UBE2H: variants seen among roughly 807,000 people sequenced by gnomAD.
UBE2H encodes the protein ubiquitin conjugating enzyme E2 H, also known as ubiquitin-conjugating enzyme E2 H.
UBE2H carries 3 observed loss-of-function variants against 29.0 expected under a neutral mutation model. That is an observed-to-expected ratio of 0.10 (90% confidence interval 0.05 to 0.27). The LOEUF (loss-of-function observed/expected upper bound fraction) is 0.27, where lower values mean the gene tolerates loss of function less well. Among genes scored for constraint, UBE2H ranks in the 10% least tolerant of loss-of-function variants. The pLI, the probability that UBE2H is intolerant of heterozygous loss-of-function variation, is 1.00. For missense variants in UBE2H, 68 were observed against 228.2 expected (o/e 0.30, Z 4.52); for synonymous variants, 69 against 82.9 (o/e 0.83, Z 0.91).
chr7:129,900,791 C>T (rs1183361571), intron 1 of UBE2H, among the ~76,000 whole-genome samples: 2 of 149,376 alleles, frequency 1.3e-5, no homozygotes. Flanking sequence ...CACTCTGTCA[C>T]CCAGGCTGGA....
rs115314007 is a variant in UBE2H at position 129,930,192 on chromosome 7, G to A, written c.53+22311C>T. Among the ~76,000 whole-genome samples the A allele has an allele frequency of 4.8e-3, 722 of 151,954 alleles. 10 individuals carry two copies. The highest frequency in any genetic ancestry group is 0.017 in the African/African-American group (702 of 41,454). ...GTATTTTTTTTTGCGATGGGGTTTCGCTCTTGTTGCCCACGCTGCAGTGTA... is the reference window on the plus strand; with the variant it reads ...GTATTTTTTTTTGCGATGGGGTTTCACTCTTGTTGCCCACGCTGCAGTGTA... On this transcript the variant is annotated intron_variant, in intron 1 of 6. Coordinates refer to ENST00000355621, the MANE Select transcript of UBE2H (RefSeq NM_003344.4).
At chr7:129,934,504 C>T (rs921246674) in intron 1 of UBE2H, among the ~76,000 whole-genome samples, 1 of 144,912 alleles carries the variant, frequency 6.9e-6, no homozygotes, top group African/African-American at 2.6e-5. Flanking sequence ...CGGGCATGGT[C>T]GTGGGCACCT....
At chr7:129,888,480 C>T (rs746663009) in intron 1 of UBE2H, among the ~76,000 whole-genome samples, 3,252 of 145,272 alleles carry the variant, frequency 0.022, 45 homozygotes, top group Admixed American at 0.039. Context: ...TAGCAAGACC[C>T]TTTTTTTTTT....
At chr7:129,908,040 C>G (rs1806855463) in intron 1 of UBE2H, among the ~76,000 whole-genome samples, 1 of 152,126 alleles carries the variant, frequency 6.6e-6, no homozygotes. Context: ...TTATCCCCCT[C>G]CCCAGGGTGG....
At chr7:129,921,262 A>G (rs2116470925) in intron 1 of UBE2H, among the ~76,000 whole-genome samples, 1 of 152,270 alleles carries the variant, frequency 6.6e-6, no homozygotes, top group Non-Finnish European at 1.5e-5. Context: ...AAATGGACTC[A>G]TCTATTTAGA....
At chr7:129,918,545 T>C (rs186588399) in intron 1 of UBE2H, among the ~76,000 whole-genome samples, 10 of 152,262 alleles carry the variant, frequency 6.6e-5, no homozygotes, top group Admixed American at 6.5e-4. Flanking sequence ...TTTATTAAAA[T>C]AGAGACAGGG....
chr7:129,942,865 G>A (rs1400918428), intron 1 of UBE2H, among the ~76,000 whole-genome samples: 1 of 149,552 alleles, frequency 6.7e-6, no homozygotes, highest in African/African-American at 2.5e-5. Context: ...TTTTTGAGAT[G>A]GAGTCTTGCT....
intron 1 of UBE2H, among the ~76,000 whole-genome samples, chr7:129,886,624 C>T (rs536714683): frequency 2.0e-5 from 3 of 152,118 alleles, no homozygotes; most frequent in East Asian, 1.9e-4. Flanking sequence ...GCATAAAGAA[C>T]GCGCTTCTGT....
chr7:129,929,417 A>G (rs574990639), intron 1 of UBE2H, among the ~76,000 whole-genome samples: 1 of 152,134 alleles, frequency 6.6e-6, no homozygotes, highest in African/African-American at 2.4e-5. Flanking sequence ...TCTCCACACA[A>G]AAAGAGACAC....
intron 3 of UBE2H, among the ~76,000 whole-genome samples, chr7:129,860,353 T>C (rs1375410662): frequency 6.6e-6 from 1 of 152,226 alleles, no homozygotes; most frequent in Non-Finnish European, 1.5e-5. Flanking sequence ...AATCTTTGTG[T>C]CCAATATTAA....
At chr7:129,852,318 C>T (rs1469097027) in intron 5 of UBE2H, among the ~76,000 whole-genome samples, 2 of 152,042 alleles carry the variant, frequency 1.3e-5, no homozygotes, top group Non-Finnish European at 2.9e-5. Flanking sequence ...TTTCTAAATG[C>T]CTGGTAAAAT....
intron 1 of UBE2H, among the ~76,000 whole-genome samples, chr7:129,922,605 G>C (rs542057139): frequency 4.5e-4 from 69 of 152,288 alleles, no homozygotes; most frequent in African/African-American, 1.6e-3. Flanking sequence ...GAAGATGCAT[G>C]TTAAAGTATT....
intron 3 of UBE2H, among the ~76,000 whole-genome samples, chr7:129,873,192 G>C (rs1350372408): frequency 6.6e-6 from 1 of 151,304 alleles, no homozygotes; most frequent in Admixed American, 6.6e-5. Context: ...CTAATTTTTT[G>C]TATTTTTTAG....
chr7:129,922,593 T>C (rs969212356), intron 1 of UBE2H, among the ~76,000 whole-genome samples: 3 of 152,176 alleles, frequency 2.0e-5, no homozygotes, highest in South Asian at 2.1e-4. Flanking sequence ...TCCTTATTCT[T>C]TGAAGATGCA....
intron 5 of UBE2H, among the ~76,000 whole-genome samples, chr7:129,854,334 C>T (rs180792103): frequency 1.1e-3 from 173 of 152,226 alleles, no homozygotes; most frequent in African/African-American, 3.6e-3. Context: ...TAAAACTTTC[C>T]GTGAAAGAAA....
chr7:129,898,813 C>CTT (rs60318810), intron 1 of UBE2H, among the ~76,000 whole-genome samples: 92,731 of 145,696 alleles, frequency 0.64, 30,416 homozygotes, highest in East Asian at 0.87. Context: ...AGTTGCAGGC[C>CTT]TTTTTTTTTT....
chr7:129,853,147 G>C (rs1262454609), intron 5 of UBE2H, among the ~76,000 whole-genome samples: 1 of 152,180 alleles, frequency 6.6e-6, no homozygotes, highest in Non-Finnish European at 1.5e-5. Flanking sequence ...GGTGGGATGA[G>C]AGAGAGATTA....
rs1375396891 is a variant in UBE2H, at chr7:129,833,949, G to A, written c.*988C>T. The stretch of plus-strand genomic sequence containing the variant: ...GGTCCATGAGCGGCTTGTCCAAGGA[G>A]GCGGCCGCCTCTTGGTAGGTGAAGA... On this transcript the variant is annotated 3_prime_UTR_variant, in exon 7 of 7. Transcript: ENST00000355621. 1.3e-5 allele frequency: 2 copies of A among 152,074 alleles called. No individual in the cohort carries two copies. The highest frequency in any genetic ancestry group is 4.8e-5 in the African/African-American group (2 of 41,388). 9.4% of individuals were successfully genotyped at this position (152,074 alleles called of 1,614,324 possible). A position where few individuals can be genotyped will look rare whatever the true frequency, so the allele number is the denominator to read the frequency against.
chr7:129,853,008 G>T (rs1361680333), intron 5 of UBE2H, among the ~76,000 whole-genome samples: 1 of 152,194 alleles, frequency 6.6e-6, no homozygotes, highest in Non-Finnish European at 1.5e-5. Context: ...TTACAGGCAT[G>T]AGCCACCGTG....
Sources: gnomAD v4.1 joint callset for allele counts (sites outside exome capture counted in the v4.1 genomes callset) on GRCh38, gnomAD v4.1.1 for gene constraint, MANE v1.5 for transcripts, NCBI Gene and HGNC (gene_info 2026-07-23, HGNC 2026-07-21) for gene names.